N4BP3: variants seen among roughly 807,000 people sequenced by gnomAD.
N4BP3 encodes the protein NEDD4 binding protein 3.
A neutral mutation model predicts 43.8 loss-of-function variants in N4BP3; 33 were observed. That is an observed-to-expected ratio of 0.75 (90% confidence interval 0.57 to 1.01). The LOEUF (loss-of-function observed/expected upper bound fraction) is 1.01. N4BP3 is among the 50% of genes least tolerant of loss of function. N4BP3 has a pLI of 0.00. For synonymous variants in N4BP3, 326 were observed against 321.9 expected (o/e 1.01, Z -0.14); for missense variants, 756 against 744.2 (o/e 1.02, Z -0.18).
Position 178,118,982 on chromosome 5 carries a change from C to T in N4BP3, c.-30-572C>T, listed in dbSNP as rs1347335378. Among the ~76,000 whole-genome samples the T allele has an allele frequency of 6.6e-6, 1 of 151,990 alleles. No homozygotes were observed. The highest frequency in any genetic ancestry group is 6.6e-5 in the Admixed American group (1 of 15,266). On this transcript the variant is annotated intron_variant, in intron 1 of 4. Coordinates refer to ENST00000274605, the MANE Select transcript of N4BP3 (RefSeq NM_015111.2). This position sits in a 1 kb window ranked among gnomAD's most constrained non-coding sequence, Gnocchi z 5.4. ...CCAGGTTCATGCCATTCTCCAGCCT[C>T]AGCCTCCCGAGTAGCTGGGACTACA...
Position 178,118,448 on chromosome 5 carries a change from G to A in N4BP3, c.-30-1106G>A, listed in dbSNP as rs192981641. ...AGTGGCTTGGCCGGGGTCACACACC[G>A]ATTGGTTCCGCCAGGGTTAGGATTT... On this transcript the variant is annotated intron_variant, in intron 1 of 4. Transcript: ENST00000274605. This position sits in a 1 kb window ranked among gnomAD's most constrained non-coding sequence, Gnocchi z 5.4. Among the ~76,000 whole-genome samples, 3 of 152,192 alleles carry A rather than the reference G, an allele frequency of 2.0e-5. No individual in the cohort carries two copies. The highest frequency in any genetic ancestry group is 4.8e-5 in the African/African-American group (2 of 41,450).
intron 1 of N4BP3, among the ~76,000 whole-genome samples, chr5:178,114,776 C>G (rs1417275344): frequency 1.3e-5 from 2 of 152,240 alleles, no homozygotes; most frequent in Admixed American, 1.3e-4. Flanking sequence ...AGCATAGCGA[C>G]TCGGAGTCCC....
intron 1 of N4BP3, among the ~76,000 whole-genome samples, chr5:178,117,994 G>A (rs753436992): frequency 7.9e-5 from 12 of 152,192 alleles, no homozygotes; most frequent in Non-Finnish European, 1.8e-4. Flanking sequence ...GTGGGTGCCC[G>A]GAAGCATGGG....
At position 178,120,655 on chromosome 5, in the gene N4BP3, A is replaced by C. The variant is rs1359470106; in HGVS notation, c.808A>C (p.Lys270Gln). 3.7e-6 allele frequency: 6 copies of C among 1,604,446 alleles called. No homozygotes were observed. The highest frequency in any genetic ancestry group is 5.1e-6 in the Non-Finnish European group (6 of 1,179,832). Residue 270 changes from lysine (K) to glutamine (Q), a missense_variant, in exon 3 of 5, where the codon AAG (lysine) becomes CAG (glutamine). Physicochemically the swap from Lys to Gln is moderately conservative, Grantham distance 53. Coordinates refer to ENST00000274605, the MANE Select transcript of N4BP3 (RefSeq NM_015111.2). ...AVLPETCEELKRGLGDEDGSN... is the reference protein window; with the variant it reads ...AVLPETCEELQRGLGDEDGSN... ...GCTGCCCGAGACCTGTGAGGAGCTC[A>C]AGAGGGGCCTTGGCGATGAGGACGG...
At position 178,119,662 on chromosome 5, in the gene N4BP3, G is replaced by A. The variant is rs201118895; in HGVS notation, c.79G>A (p.Glu27Lys). The A allele has an allele frequency of 6.2e-6, 10 of 1,606,372 alleles. No individual in the cohort carries two copies. The East Asian group carries it at 1.8e-4, about 29-fold the overall frequency. ...GTTGGAACGGCAGGACTTCTCCCCT[G>A]AAGAGCTGCGGGCGGCACTTGCCGG... ...SLLERQDFSP[E>K]ELRAALAGSR... The change falls in exon 2 of 5, where the codon GAA becomes AAA. Residue 27 changes from glutamate to lysine, a missense_variant. Transcript: ENST00000274605.
At chr5:178,115,396 GACACGC>G (rs1472329382) in intron 1 of N4BP3, among the ~76,000 whole-genome samples, 1 of 152,084 alleles carries the variant, frequency 6.6e-6, no homozygotes, top group Non-Finnish European at 1.5e-5. Flanking sequence ...GGCAGCTGCA[GACACGC>G]CCCTTAGCAG....
intron 1 of N4BP3, among the ~76,000 whole-genome samples, chr5:178,114,428 C>T (rs1042526826): frequency 6.6e-6 from 1 of 152,216 alleles, no homozygotes; most frequent in Non-Finnish European, 1.5e-5. Context: ...AGGTCTTGAC[C>T]GCCAGAGCAC....
rs1297459008 is a variant in N4BP3 at position 178,123,083 on chromosome 5, G to C, written c.*1082G>C. On this transcript the variant is annotated 3_prime_UTR_variant, in exon 5 of 5. Coordinates refer to ENST00000274605, the MANE Select transcript of N4BP3 (RefSeq NM_015111.2). The stretch of plus-strand genomic sequence containing the variant: ...CCTGCGCTGGGCTCCAGGACGGTCA[G>C]TCCTCCCGGATCCCTGCTCTCAGCT... 6.6e-6 allele frequency: 1 copy of C among 152,298 alleles called. No individual in the cohort carries two copies. The highest frequency in any genetic ancestry group is 2.4e-5 in the African/African-American group (1 of 41,458). 9.4% of individuals were successfully genotyped at this position (152,298 alleles called of 1,614,324 possible).
rs1446447616 is a variant in N4BP3 at position 178,125,441 on chromosome 5, G to T, written c.*3440G>T. The T allele has an allele frequency of 6.6e-6, 1 of 152,458 alleles. No individual in the cohort carries two copies. The highest frequency in any genetic ancestry group is 1.5e-5 in the Non-Finnish European group (1 of 68,228). 9.4% of individuals were successfully genotyped at this position (152,458 alleles called of 1,614,324 possible). ...GAGCAGGCAGAGGAAGCCTATCTGT[G>T]GGGCTGGGTACATTTCTCTGAGACT... is the stretch of plus-strand genomic sequence containing the variant. On this transcript the variant is annotated 3_prime_UTR_variant, in exon 5 of 5. Coordinates refer to ENST00000274605, the MANE Select transcript of N4BP3 (RefSeq NM_015111.2).
chr5:178,116,969 A>AT (rs931135723), intron 1 of N4BP3, among the ~76,000 whole-genome samples: 6 of 150,284 alleles, frequency 4.0e-5, no homozygotes, highest in African/African-American at 9.8e-5. Flanking sequence ...TTCCCACTTC[A>AT]TTTTTTTTTC....
Position 178,120,293 on chromosome 5 carries a change from T to C in N4BP3, c.446T>C (p.Leu149Pro). ...GQKLWRSNGS[L>P]HTLACHPPLS... The stretch of plus-strand genomic sequence containing the variant: ...AAGCTGTGGCGCAGCAATGGCAGCC[T>C]GCACACGCTGGCCTGCCACCCGCCC... The change falls in exon 3 of 5, where the codon CTG becomes CCG. Residue 149 changes from leucine (L) to proline (P), a missense_variant. Leu to Pro is a moderately conservative substitution (Grantham distance 98). Transcript: ENST00000274605. The C allele has an allele frequency of 6.2e-7, 1 of 1,609,530 alleles. No homozygotes were observed. Among genetic ancestry groups the C allele is most frequent in the Non-Finnish European group, 8.5e-7 (1 of 1,178,172 alleles).
At chr5:178,121,374 C>T (rs1015046015) in intron 4 of N4BP3, 22 bp downstream of exon 4, 9 of 1,606,292 alleles carry the variant, frequency 5.6e-6, no homozygotes, top group African/African-American at 4.0e-5. Context: ...CACAGGGCTC[C>T]GAGACTCTCC....
intron 1 of N4BP3, among the ~76,000 whole-genome samples, chr5:178,119,234 C>T (rs1377084703): frequency 6.6e-6 from 1 of 152,248 alleles, no homozygotes; most frequent in East Asian, 1.9e-4. Flanking sequence ...GCTTCCAGGC[C>T]TATCCCCTCC....
chr5:178,114,579 A>G (rs1238158633), intron 1 of N4BP3, among the ~76,000 whole-genome samples: 1 of 152,190 alleles, frequency 6.6e-6, no homozygotes, highest in East Asian at 1.9e-4. Context: ...CCAACCACAT[A>G]GGAACAGATT....
At position 178,124,050 on chromosome 5, in the gene N4BP3, C is replaced by G. The variant is rs1222595270; in HGVS notation, c.*2049C>G. The G allele has an allele frequency of 6.5e-6, 1 of 152,856 alleles. No individual in the cohort carries two copies. The highest frequency in any genetic ancestry group is 1.9e-4 in the East Asian group (1 of 5,202). The allele number at this position is 152,856 out of a possible 1,614,324, so 9.5% of individuals were successfully genotyped here. A position where few individuals can be genotyped will look rare whatever the true frequency, so the allele number is the denominator to read the frequency against. On this transcript the variant is annotated 3_prime_UTR_variant, in exon 5 of 5. Coordinates refer to ENST00000274605, the MANE Select transcript of N4BP3 (RefSeq NM_015111.2). The stretch of plus-strand genomic sequence containing the variant: ...AACCCCAAACCCCAAACGGAAATCT[C>G]TGGGACAATGGCTCCTCCAGAGGGC...
intron 1 of N4BP3, 82 bp from the exon 2 acceptor site, chr5:178,119,472 G>C (rs1161607177): frequency 3.8e-6 from 4 of 1,044,082 alleles, no homozygotes; most frequent in Non-Finnish European, 5.5e-6. Flanking sequence ...GAGCTACAGG[G>C]AGCAAGTACC....
In N4BP3 at chr5:178,113,610, G is replaced by C. The variant is rs936967669; in HGVS notation, c.-192G>C. 1 of 151,862 alleles carries C rather than the reference G, an allele frequency of 6.6e-6. No individual in the cohort carries two copies. Among genetic ancestry groups the C allele is most frequent in the South Asian group, 2.1e-4 (1 of 4,840 alleles). The allele number at this position is 151,862 out of a possible 1,614,324, so 9.4% of individuals were successfully genotyped here. ...CCTCGCCAATCCGGCTCCGGCGCCGGCGCCCGCCCGCGTTTTCCCGGCGCC... is the reference window on the plus strand; with the variant it reads ...CCTCGCCAATCCGGCTCCGGCGCCGCCGCCCGCCCGCGTTTTCCCGGCGCC... On this transcript the variant is annotated 5_prime_UTR_variant, in exon 1 of 5. Coordinates refer to ENST00000274605, the MANE Select transcript of N4BP3 (RefSeq NM_015111.2).
chr5:178,126,040 T>C lies in N4BP3; in HGVS notation c.*4039T>C, dbSNP rs1224374518. The stretch of plus-strand genomic sequence containing the variant: ...AGAATGAAGAGCCAGAAATAGATTC[T>C]ATTCTGTAGAAAATCTTACACAATA... On this transcript the variant is annotated 3_prime_UTR_variant, in exon 5 of 5. Coordinates refer to ENST00000274605, the MANE Select transcript of N4BP3 (RefSeq NM_015111.2). 6.6e-6 allele frequency: 1 copy of C among 152,196 alleles called. No homozygotes were observed. Among genetic ancestry groups the C allele is most frequent in the Non-Finnish European group, 1.5e-5 (1 of 68,048 alleles). 9.4% of individuals were successfully genotyped at this position (152,196 alleles called of 1,614,324 possible). A position where few individuals can be genotyped will look rare whatever the true frequency, so the allele number is the denominator to read the frequency against.
At chr5:178,115,107 G>A (rs1757742962) in intron 1 of N4BP3, among the ~76,000 whole-genome samples, 1 of 152,152 alleles carries the variant, frequency 6.6e-6, no homozygotes, top group African/African-American at 2.4e-5. Flanking sequence ...ATGGCGTGAG[G>A]GTAATTACTG....
Sources: gnomAD v4.1 joint callset for allele counts (sites outside exome capture counted in the v4.1 genomes callset) on GRCh38, gnomAD v4.1.1 for gene constraint, Gnocchi (gnomAD v3.1) non-coding constraint, MANE v1.5 for transcripts, NCBI Gene and HGNC (gene_info 2026-07-23, HGNC 2026-07-21) for gene names.